GHR: variants seen among roughly 807,000 people sequenced by gnomAD.
The protein encoded by GHR is GH receptor.
Under a neutral mutation model 67.1 loss-of-function variants are expected in GHR, and 35 were observed. The ratio of observed to expected loss-of-function variants is 0.52; its 90% CI spans 0.40 to 0.69. The LOEUF (loss-of-function observed/expected upper bound fraction) is 0.69. GHR is among the 30% of genes least tolerant of loss of function. The pLI is 0.00. For synonymous variants in GHR, 272 were observed against 269.1 expected, an observed-to-expected ratio of 1.01 and a Z score of -0.10; for missense variants, 792 against 764.6, an observed-to-expected ratio of 1.04 and a Z score of -0.42.
Position 42,719,925 on chromosome 5 carries a change from G to A in GHR, c.*501G>A. ...ATAAGCAAGAAGGCAAAAATAGTTT[G>A]GATATGTAAAACATTTATTTTGACA... On this transcript the variant is annotated 3_prime_UTR_variant, in exon 10 of 10. Transcript: ENST00000230882. 4 of 184,640 alleles carry A rather than the reference G, an allele frequency of 2.2e-5. No homozygotes were observed. Among genetic ancestry groups the A allele is most frequent in the South Asian group, 1.2e-4 (1 of 8,224 alleles). The allele number at this position is 184,640 out of a possible 1,614,324, so 11.4% of individuals were successfully genotyped here.
chr5:42,455,611 T>C (rs1744228234), intron 1 of GHR, among the ~76,000 whole-genome samples: 1 of 152,192 alleles, frequency 6.6e-6, no homozygotes, highest in South Asian at 2.1e-4. Context: ...TAACCAAGTA[T>C]TTACTGAGGT....
intron 1 of GHR, among the ~76,000 whole-genome samples, chr5:42,462,910 T>C (rs1372968569): frequency 3.3e-5 from 5 of 152,178 alleles, no homozygotes; most frequent in African/African-American, 1.2e-4. Context: ...GGAACTAGCA[T>C]ACAATGTAAC....
At chr5:42,485,167 T>C (rs1447759193) in intron 1 of GHR, among the ~76,000 whole-genome samples, 1 of 152,218 alleles carries the variant, frequency 6.6e-6, no homozygotes, top group African/African-American at 2.4e-5. Flanking sequence ...CTCTGTCCCT[T>C]ACCATGGTCT....
intron 1 of GHR, among the ~76,000 whole-genome samples, chr5:42,530,461 G>T (rs2112337587): frequency 6.6e-6 from 1 of 152,292 alleles, no homozygotes; most frequent in Non-Finnish European, 1.5e-5. Context: ...AGTTAAAGTA[G>T]CAAGATGAGC....
At chr5:42,688,707 A>C (rs1173585474) in intron 3 of GHR, among the ~76,000 whole-genome samples, 183 bp from the exon 4 acceptor site, 3 of 152,226 alleles carry the variant, frequency 2.0e-5, no homozygotes. Flanking sequence ...AATGGCAAGC[A>C]ACAGGCACTA....
chr5:42,454,083 C>T (rs1296253882), intron 1 of GHR, among the ~76,000 whole-genome samples: 1 of 152,170 alleles, frequency 6.6e-6, no homozygotes, highest in East Asian at 1.9e-4. Context: ...GTCTAGCCAC[C>T]CAATGGAGTT....
intron 4 of GHR, 29 bp from the exon 5 acceptor site, chr5:42,694,888 A>G (rs1242075114): frequency 6.5e-7 from 1 of 1,544,926 alleles, no homozygotes; most frequent in Non-Finnish European, 8.9e-7. Flanking sequence ...TTTTGGAACA[A>G]TTAATCTTTT....
At chr5:42,429,895 A>G (rs59673872) in intron 1 of GHR, among the ~76,000 whole-genome samples, 18,528 of 152,260 alleles carry the variant, frequency 0.12, 1,434 homozygotes, top group East Asian at 0.34. Flanking sequence ...GCATTTATTG[A>G]AGGCTTGTTC....
intron 1 of GHR, among the ~76,000 whole-genome samples, chr5:42,497,639 C>T (rs1746375533): frequency 6.6e-6 from 1 of 152,116 alleles, no homozygotes; most frequent in Admixed American, 6.6e-5. Context: ...AAACACAGAC[C>T]TTATGTACCT....
chr5:42,619,896 A>G (rs577921191), intron 2 of GHR: 19 of 152,274 alleles, frequency 1.2e-4, no homozygotes, highest in African/African-American at 4.3e-4. Context: ...ATTTGCCAAA[A>G]CAACTAATTC....
At chr5:42,530,013 T>C (rs948726068) in intron 1 of GHR, among the ~76,000 whole-genome samples, 1 of 149,692 alleles carries the variant, frequency 6.7e-6, no homozygotes, top group African/African-American at 2.4e-5. Flanking sequence ...TTTTTTTTTT[T>C]TTTTTTTTTT....
intron 1 of GHR, among the ~76,000 whole-genome samples, chr5:42,501,073 C>T (rs900848051): frequency 2.0e-5 from 3 of 152,164 alleles, no homozygotes; most frequent in Non-Finnish European, 2.9e-5. Flanking sequence ...CAGGTGTTTG[C>T]ACCTAAGATG....
At chr5:42,446,305 T>C (rs1435726781) in intron 1 of GHR, among the ~76,000 whole-genome samples, 1 of 152,196 alleles carries the variant, frequency 6.6e-6, no homozygotes, top group Non-Finnish European at 1.5e-5. Flanking sequence ...AAAAGTTCTG[T>C]AAGAGGCCAA....
intron 1 of GHR, chr5:42,550,113 TG>T: frequency 1.0e-6 from 1 of 966,958 alleles, no homozygotes; most frequent in Non-Finnish European, 1.2e-6. Context: ...CGTATGAGCC[TG>T]GGGTAAGTGT....
intron 3 of GHR, among the ~76,000 whole-genome samples, chr5:42,682,995 T>C (rs1048510435): frequency 6.6e-6 from 1 of 151,882 alleles, no homozygotes; most frequent in Non-Finnish European, 1.5e-5. Flanking sequence ...CTCAAAGGTT[T>C]TTTTTATTTT....
rs563913825 is a variant in GHR, at chr5:42,556,049, A to G, written c.-11-9815A>G. 3.0e-4 allele frequency among the ~76,000 whole-genome samples: 46 copies of G among 152,172 alleles called. No individual in the cohort carries two copies. In the South Asian group the frequency reaches 3.7e-3, roughly 12 times the overall value. On this transcript the variant is annotated intron_variant, in intron 1 of 9. Transcript: ENST00000230882. ...AGTAATGCCTTTCCTGGGAGATCAC[A>G]TTGCCTCACTCTTGGTTTCCCAACT...
intron 3 of GHR, among the ~76,000 whole-genome samples, chr5:42,686,074 G>A (rs898718033): frequency 6.6e-6 from 1 of 152,032 alleles, no homozygotes; most frequent in African/African-American, 2.4e-5. Flanking sequence ...TATGGTTTTG[G>A]GTCTTACGTT....
At chr5:42,565,411 AT>A in intron 1 of GHR, 1 of 976,966 alleles carries the variant, frequency 1.0e-6, no homozygotes, top group Non-Finnish European at 1.2e-6. Context: ...TGGGAAACAG[AT>A]TTATGAAATG....
intron 1 of GHR, among the ~76,000 whole-genome samples, chr5:42,500,375 G>T (rs1746489784): frequency 6.6e-6 from 1 of 152,238 alleles, no homozygotes; most frequent in Admixed American, 6.5e-5. Context: ...GTTTAAATCT[G>T]GGTTCTGCCC....
Sources: allele counts gnomAD v4.1 joint callset (sites outside exome capture counted in the v4.1 genomes callset), GRCh38; gene constraint gnomAD v4.1.1; transcripts MANE v1.5; gene names NCBI Gene and HGNC (gene_info 2026-07-23, HGNC 2026-07-21).